The following AGMO variants were observed in gnomAD, a reference collection of about 807,000 sequenced individuals.
AGMO encodes the protein glyceryl-ether monooxygenase.
In AGMO, 75 loss-of-function variants were observed where a neutral mutation model predicts 60.2. The ratio of observed to expected loss-of-function variants is 1.25; its 90% CI spans 1.03 to 1.51. The LOEUF is 1.51. AGMO is among the 40% of genes most tolerant of loss of function. The probability of loss-of-function intolerance (pLI) is 0.00; values close to 1 mark genes in which losing one functional copy is unlikely to be tolerated. For missense variants in AGMO, 763 were observed against 525.5 expected, an observed-to-expected ratio of 1.45 and a Z score of -4.42; for synonymous variants, 261 against 177.1, an observed-to-expected ratio of 1.47 and a Z score of -3.76.
At chr7:15,544,954 T>C (rs772455652) in intron 2 of AGMO, 31 bp from the exon 3 acceptor site, 7 of 1,411,732 alleles carry the variant, frequency 5.0e-6, no homozygotes, top group South Asian at 3.4e-5. Flanking sequence ...TCAGTGATTA[T>C]ATAACATTTT....
chr7:15,366,209 A>G lies in AGMO; in HGVS notation c.1088T>C (p.Val363Ala). Residue 363 changes from valine to alanine, a missense_variant, in exon 11 of 13, where the codon GTT (valine) becomes GCT (alanine). Coordinates refer to ENST00000342526, the MANE Select transcript of AGMO (RefSeq NM_001004320.2). The part of the protein sequence containing the change: ...TFADTAALSQ[V>A]TLLLRVCFII... Reference sequence around the variant, plus strand: ...GAAGCAAACCCTCAGAAGGAGAGTAACTTGCGACAGTGCCTGTCAAACAAA... The same window carrying G: ...GAAGCAAACCCTCAGAAGGAGAGTAGCTTGCGACAGTGCCTGTCAAACAAA... The G allele has an allele frequency of 5.0e-6, 8 of 1,605,780 alleles. No homozygotes were observed. The highest frequency in any genetic ancestry group is 6.8e-6 in the Non-Finnish European group (8 of 1,175,508).
chr7:15,268,756 G>C (rs112991985), intron 12 of AGMO, among the ~76,000 whole-genome samples: 1 of 152,110 alleles, frequency 6.6e-6, no homozygotes, highest in African/African-American at 2.4e-5. Context: ...GAATATAAGA[G>C]AGAGGGATGG....
At chr7:15,461,187 C>A (rs766232948) in intron 3 of AGMO, among the ~76,000 whole-genome samples, 35 of 152,028 alleles carry the variant, frequency 2.3e-4, no homozygotes, top group Non-Finnish European at 4.0e-4. Flanking sequence ...ATCTGCCACC[C>A]AGTCAACTGC....
Position 15,388,744 on chromosome 7 carries a change from G to A in AGMO, c.823-1204C>T, listed in dbSNP as rs181779623. On this transcript the variant is annotated intron_variant, in intron 8 of 12. Transcript: ENST00000342526. The stretch of plus-strand genomic sequence containing the variant: ...GCTTTGATGCCTCTGCAGAATAGGT[G>A]AGAAATTTACCTGTATATAAAGGAA... 3.3e-4 allele frequency among the ~76,000 whole-genome samples: 50 copies of A among 152,268 alleles called. 1 individual carries two copies. The highest frequency in any genetic ancestry group is 3.1e-3 in the Admixed American group (47 of 15,290).
the AGMO span, among the ~76,000 whole-genome samples, chr7:15,170,897 A>G: frequency 3.9e-5 from 6 of 152,072 alleles, no homozygotes; most frequent in East Asian, 1.9e-4. Context: ...CTGGTTAGGT[A>G]TTTTGTAGAA....
chr7:15,543,124 T>G (rs1295476928), intron 3 of AGMO, among the ~76,000 whole-genome samples: 1 of 152,094 alleles, frequency 6.6e-6, no homozygotes, highest in Non-Finnish European at 1.5e-5. Context: ...TTTATTAGTA[T>G]TATTCCAGGT....
At chr7:15,164,608 A>G in the AGMO span, among the ~76,000 whole-genome samples, 3 of 152,102 alleles carry the variant, frequency 2.0e-5, no homozygotes, top group African/African-American at 7.2e-5. Flanking sequence ...GCAGCCAACA[A>G]ACGTATGAAA....
chr7:15,423,091 G>T (rs574647943), intron 4 of AGMO, among the ~76,000 whole-genome samples: 10 of 136,344 alleles, frequency 7.3e-5, no homozygotes, highest in African/African-American at 2.3e-4. Flanking sequence ...TAGAATTCAT[G>T]TCTACTTTAT....
chr7:15,341,992 G>C (rs911223403), intron 12 of AGMO, among the ~76,000 whole-genome samples: 1 of 151,726 alleles, frequency 6.6e-6, no homozygotes, highest in Non-Finnish European at 1.5e-5. Flanking sequence ...TACAATTCAA[G>C]ATGAGATTTG....
intron 5 of AGMO, among the ~76,000 whole-genome samples, chr7:15,398,337 G>A (rs13242762): frequency 0.26 from 39,233 of 152,014 alleles, 5,733 homozygotes; most frequent in Middle Eastern, 0.38. Flanking sequence ...GCTAAAGCAC[G>A]GTGATAACAA....
At chr7:15,275,883 G>A (rs1407680816) in intron 12 of AGMO, among the ~76,000 whole-genome samples, 1 of 151,856 alleles carries the variant, frequency 6.6e-6, no homozygotes, top group African/African-American at 2.4e-5. Flanking sequence ...TTCCATTTGT[G>A]TGATATGTTT....
intron 10 of AGMO, among the ~76,000 whole-genome samples, chr7:15,380,443 C>T (rs920512428): frequency 5.9e-5 from 9 of 152,040 alleles, no homozygotes; most frequent in Non-Finnish European, 1.5e-5. Flanking sequence ...CCTAGTGATA[C>T]AGATAACCAG....
rs561158807 is a variant in AGMO at position 15,289,779 on chromosome 7, G to A, written c.1263+75735C>T. Among the ~76,000 whole-genome samples the A allele has an allele frequency of 1.1e-4, 17 of 152,042 alleles. No individual in the cohort carries two copies. The South Asian group carries it at 3.3e-3, about 30-fold the overall frequency. The stretch of plus-strand genomic sequence containing the variant: ...CTCAATTAACTGATCTGTTAAAACA[G>A]AGGAAATGAACATTGTTTAAATAAT... On this transcript the variant is annotated intron_variant, in intron 12 of 12. Coordinates refer to ENST00000342526, the MANE Select transcript of AGMO (RefSeq NM_001004320.2).
chr7:15,276,460 T>A (rs1350358119), intron 12 of AGMO, among the ~76,000 whole-genome samples: 1 of 152,146 alleles, frequency 6.6e-6, no homozygotes, highest in Non-Finnish European at 1.5e-5. Context: ...TAGCTGCTTT[T>A]AAGATTTTTT....
At chr7:15,240,893 G>A (rs945998527) in intron 12 of AGMO, among the ~76,000 whole-genome samples, 2 of 151,908 alleles carry the variant, frequency 1.3e-5, no homozygotes, top group Non-Finnish European at 2.9e-5. Context: ...AGCTAGTTCA[G>A]TGGAGTTAAT....
chr7:15,382,825 C>G (rs1783748191), intron 10 of AGMO, among the ~76,000 whole-genome samples: 1 of 151,972 alleles, frequency 6.6e-6, no homozygotes, highest in Admixed American at 6.6e-5. Context: ...AAGATGTTAT[C>G]CTACAGGCAT....
At chr7:15,430,201 T>C (rs1239330849) in intron 4 of AGMO, among the ~76,000 whole-genome samples, 1 of 151,942 alleles carries the variant, frequency 6.6e-6, no homozygotes, top group East Asian at 1.9e-4. Flanking sequence ...TGCAAAGTAT[T>C]TTGAACCACG....
chr7:15,136,608 T>C, the AGMO span, among the ~76,000 whole-genome samples: 2 of 152,168 alleles, frequency 1.3e-5, no homozygotes, highest in Admixed American at 6.5e-5. Flanking sequence ...TCTGGAGCAC[T>C]TGAAAATTGA....
At chr7:15,229,967 G>A (rs1426407830) in intron 12 of AGMO, among the ~76,000 whole-genome samples, 5 of 151,380 alleles carry the variant, frequency 3.3e-5, no homozygotes, top group Non-Finnish European at 5.9e-5. Context: ...CTTAATACAA[G>A]CCATATTTCT....
Sources: allele counts gnomAD v4.1 joint callset (sites outside exome capture counted in the v4.1 genomes callset), GRCh38; gene constraint gnomAD v4.1.1; transcripts MANE v1.5; gene names NCBI Gene and HGNC (gene_info 2026-07-23, HGNC 2026-07-21).